The following ASH2L variants were observed in gnomAD, a reference collection of about 807,000 sequenced individuals.
ASH2L encodes the protein set1/Ash2 histone methyltransferase complex subunit ASH2.
ASH2L carries 30 observed loss-of-function variants against 81.1 expected under a neutral mutation model. The ratio of observed to expected loss-of-function variants is 0.37; its 90% CI spans 0.28 to 0.50. The LOEUF (loss-of-function observed/expected upper bound fraction) is 0.50. Among genes scored for constraint, ASH2L ranks in the 20% least tolerant of loss-of-function variants. The pLI is 0.95. For synonymous variants in ASH2L, 273 were observed against 279.9 expected (o/e 0.98, Z 0.24); for missense variants, 559 against 792.1 (o/e 0.71, Z 3.53).
At chr8:38,127,591 C>A (rs545667653) in intron 10 of ASH2L, among the ~76,000 whole-genome samples, 49 of 150,874 alleles carry the variant, frequency 3.2e-4, no homozygotes, top group African/African-American at 1.0e-3. Flanking sequence ...ACTAAAAATA[C>A]GAAAATTAGC....
At chr8:38,119,736 C>T (rs1288379501) in intron 9 of ASH2L, among the ~76,000 whole-genome samples, 9 of 151,898 alleles carry the variant, frequency 5.9e-5, no homozygotes, top group African/African-American at 1.9e-4. Context: ...ACCTGGGAGG[C>T]GGGTGGCAGT....
intron 12 of ASH2L, among the ~76,000 whole-genome samples, chr8:38,130,530 T>C (rs1377823026): frequency 6.6e-6 from 1 of 152,200 alleles, no homozygotes; most frequent in Non-Finnish European, 1.5e-5. Flanking sequence ...ATGAAGATAT[T>C]CTCCCATGTT....
chr8:38,116,638 G>A lies in ASH2L; in HGVS notation c.778-12G>A, dbSNP rs1810914622. The A allele has an allele frequency of 6.2e-7, 1 of 1,605,276 alleles. No individual in the cohort carries two copies. Among genetic ancestry groups the A allele is most frequent in the African/African-American group, 1.3e-5 (1 of 74,522 alleles). Reference sequence around the variant, plus strand: ...ACGTAGACTCCTTTTTTAATTGGATGTATTTTTGCAGGACCTTAGTAACAT... The same window carrying A: ...ACGTAGACTCCTTTTTTAATTGGATATATTTTTGCAGGACCTTAGTAACAT... On this transcript the variant is annotated splice_polypyrimidine_tract_variant and intron_variant, in intron 7 of 15. Coordinates refer to ENST00000343823, the MANE Select transcript of ASH2L (RefSeq NM_004674.5).
chr8:38,129,138 C>A (rs1012398285), intron 12 of ASH2L, among the ~76,000 whole-genome samples, 187 bp downstream of exon 12: 1 of 152,136 alleles, frequency 6.6e-6, no homozygotes, highest in African/African-American at 2.4e-5. Flanking sequence ...ATTCTTCTAC[C>A]CATCTATCAT....
At chr8:38,119,061 A>G in intron 8 of ASH2L, 1 of 481,452 alleles carries the variant, frequency 2.1e-6, no homozygotes, top group Non-Finnish European at 3.7e-6. Flanking sequence ...GATTCATTTG[A>G]GTTTATTGCC....
rs1801729612 is a variant in ASH2L at position 38,123,873 on chromosome 8, T to C, written c.1165+2724T>C. Among the ~76,000 whole-genome samples the C allele has an allele frequency of 2.0e-5, 3 of 152,094 alleles. No homozygotes were observed. The South Asian group carries it at 6.2e-4, about 32-fold the overall frequency. On this transcript the variant is annotated intron_variant, in intron 10 of 15. Coordinates refer to ENST00000343823, the MANE Select transcript of ASH2L (RefSeq NM_004674.5). ...CTGTTTCTGTGTTTTTTTGGTTTGA[T>C]TTGTTTTTTGAGGCTAGAAGGCAGT...
rs1342895894 is a variant in ASH2L, at chr8:38,128,374, C to T, written c.1249C>T (p.Arg417Trp). 4 of 1,613,934 alleles carry T rather than the reference C, an allele frequency of 2.5e-6. No individual in the cohort carries two copies. The highest frequency in any genetic ancestry group is 3.4e-6 in the Non-Finnish European group (4 of 1,180,012). ...YSMVRASHGV[R>W]KGAWYFEITV... ...TATGGTGAGGGCCTCTCATGGAGTA[C>T]GGAAAGGTGCCTGGTATTTTGAAAT... Residue 417 changes from arginine (R) to tryptophan (W), a missense_variant, in exon 11 of 16, where the codon CGG (arginine) becomes TGG (tryptophan). Coordinates refer to ENST00000343823, the MANE Select transcript of ASH2L (RefSeq NM_004674.5).
At chr8:38,107,962 T>A (rs1008908548) in intron 3 of ASH2L, among the ~76,000 whole-genome samples, 5 of 151,566 alleles carry the variant, frequency 3.3e-5, no homozygotes, top group African/African-American at 1.2e-4. Flanking sequence ...TGCGACTGGG[T>A]CTCGCTCTGC....
rs1454460360 is a variant in ASH2L, at chr8:38,111,220, C to T, written c.585+387C>T. Among the ~76,000 whole-genome samples the T allele has an allele frequency of 4.6e-5, 7 of 151,834 alleles. No homozygotes were observed. In the East Asian group the frequency reaches 7.8e-4, roughly 17 times the overall value. ...TGCTGGGATTACAGGCGTGAGCCACCGCACCTGGACTGTTGTGTTTTTTTT... is the reference window on the plus strand; with the variant it reads ...TGCTGGGATTACAGGCGTGAGCCACTGCACCTGGACTGTTGTGTTTTTTTT... On this transcript the variant is annotated intron_variant, in intron 5 of 15. Coordinates refer to ENST00000343823, the MANE Select transcript of ASH2L (RefSeq NM_004674.5).
At chr8:38,134,405 G>C (rs975961274) in intron 13 of ASH2L, among the ~76,000 whole-genome samples, 16 of 152,166 alleles carry the variant, frequency 1.1e-4, no homozygotes, top group African/African-American at 3.9e-4. Flanking sequence ...TATCAGAGGA[G>C]GTATCAAGTC....
chr8:38,114,219 T>A lies in ASH2L; in HGVS notation c.613T>A (p.Trp205Arg). The stretch of plus-strand genomic sequence containing the variant: ...TATTATACCATTTATTGATAAATAC[T>A]GGGAGTGCATGACAACCAGACAGAG... ...KDIIPFIDKY[W>R]ECMTTRQRPG... The change falls in exon 6 of 16, where the codon TGG (tryptophan) becomes AGG (arginine). Residue 205 changes from tryptophan to arginine, a missense_variant. By Grantham distance (101) the Trp-to-Arg change is moderately radical (BLOSUM62 -3). This residue lies in a region of ASH2L where 318 missense variants were observed against 527.0 expected (regional missense o/e 0.60). Transcript: ENST00000343823. 1 of 1,603,084 alleles carries A rather than the reference T, an allele frequency of 6.2e-7. No homozygotes were observed. The highest frequency in any genetic ancestry group is 8.5e-7 in the Non-Finnish European group (1 of 1,174,444).
intron 12 of ASH2L, among the ~76,000 whole-genome samples, chr8:38,131,682 T>C (rs1802064307): frequency 6.6e-6 from 1 of 152,156 alleles, no homozygotes; most frequent in Non-Finnish European, 1.5e-5. Context: ...TTTAGTGACA[T>C]GTCCACACGA....
At chr8:38,131,795 T>C (rs1001529914) in intron 12 of ASH2L, among the ~76,000 whole-genome samples, 3 of 151,744 alleles carry the variant, frequency 2.0e-5, no homozygotes, top group Admixed American at 6.6e-5. Context: ...ACAAAACTTA[T>C]AATATGTTAC....
rs1810832699 is a variant in ASH2L, at chr8:38,114,910, A to G, written c.687A>G (p.Lys229=). ...AAAACACTACTTCTTTTTAGAGTAA[A>G]GAAAGAGATGTATTCTTGGTAAAGG... ...WPNNIVKTMS[K]ERDVFLVKEH... is the part of the protein sequence containing the mutation. Residue 229 remains lysine, a synonymous_variant, in exon 7 of 16, where the codon AAA becomes AAG. Coordinates refer to ENST00000343823, the MANE Select transcript of ASH2L (RefSeq NM_004674.5). 4.4e-6 allele frequency: 7 copies of G among 1,597,652 alleles called. No homozygotes were observed. In the East Asian group the frequency reaches 1.6e-4, roughly 36 times the overall value.
rs1810803230 is a variant in ASH2L, at chr8:38,114,277, T to C, written c.671T>C (p.Val224Ala). ...AAAATGACTTGGCCAAATAACATTG[T>C]TAAAACAATGGTAAGTAGATTAAAA... ...PGKMTWPNNI[V>A]KTMSKERDVF... Residue 224 changes from valine (V) to alanine (A), a missense_variant, in exon 6 of 16, where the codon GTT becomes GCT. Physicochemically the swap from Val to Ala is moderately conservative, Grantham distance 64 (BLOSUM62 0). Around this residue, in one of 4 missense-constraint regions of ASH2L, gnomAD observed 318 missense variants for 527.0 expected, o/e 0.60. Coordinates refer to ENST00000343823, the MANE Select transcript of ASH2L (RefSeq NM_004674.5). 6.2e-7 allele frequency: 1 copy of C among 1,600,708 alleles called. No individual in the cohort carries two copies. Among genetic ancestry groups the C allele is most frequent in the Non-Finnish European group, 8.5e-7 (1 of 1,171,300 alleles).
intron 5 of ASH2L, among the ~76,000 whole-genome samples, chr8:38,111,654 G>C (rs1810687082): frequency 6.6e-6 from 1 of 152,116 alleles, no homozygotes; most frequent in Non-Finnish European, 1.5e-5. Flanking sequence ...CCAAGGTGTT[G>C]GGATTACAGG....
intron 5 of ASH2L, among the ~76,000 whole-genome samples, 155 bp downstream of exon 5, chr8:38,110,988 G>A (rs569865664): frequency 6.6e-6 from 1 of 152,182 alleles, no homozygotes; most frequent in African/African-American, 2.4e-5. Flanking sequence ...AAGATGGAAT[G>A]CAGTGATGCG....
chr8:38,119,150 G>C (rs1459077369), intron 8 of ASH2L, 120 bp from the exon 9 acceptor site: 2 of 862,166 alleles, frequency 2.3e-6, no homozygotes, highest in African/African-American at 1.8e-5. Context: ...GCCTTTGGAA[G>C]GAAATCCTCC....
intron 13 of ASH2L, 45 bp from the exon 14 acceptor site, chr8:38,135,623 G>T (rs780563507): frequency 3.5e-6 from 5 of 1,424,280 alleles, no homozygotes; most frequent in Admixed American, 3.9e-5. Flanking sequence ...TTTTTTGTTT[G>T]TTCTTTTTTA....
Sources: allele counts gnomAD v4.1 joint callset (sites outside exome capture counted in the v4.1 genomes callset), GRCh38; gene constraint gnomAD v4.1.1; regional missense constraint gnomAD v4.1.1; transcripts MANE v1.5; gene names NCBI Gene and HGNC (gene_info 2026-07-23, HGNC 2026-07-21).